SPAG16: variants seen among roughly 807,000 people sequenced by gnomAD.
SPAG16 encodes the protein sperm-associated antigen 16 protein.
SPAG16 carries 86 observed loss-of-function variants against 80.4 expected under a neutral mutation model. The ratio of observed to expected loss-of-function variants is 1.07; its 90% CI spans 0.90 to 1.28. SPAG16 has a LOEUF of 1.28. SPAG16 is among the 50% of genes most tolerant of loss of function. The pLI is 0.00. For missense variants in SPAG16, 870 were observed against 765.3 expected (o/e 1.14, Z -1.61); for synonymous variants, 294 against 265.9 (o/e 1.11, Z -1.03).
chr2:213,733,248 C>T, intron 10 of SPAG16, among the ~76,000 whole-genome samples: 1 of 149,236 alleles, frequency 6.7e-6, no homozygotes. Context: ...ATTTAAGTTC[C>T]TTATAGATGC....
At chr2:214,323,665 T>G (rs575305187) in intron 15 of SPAG16, among the ~76,000 whole-genome samples, 44 of 152,332 alleles carry the variant, frequency 2.9e-4, no homozygotes, top group South Asian at 8.3e-4. Flanking sequence ...CAATTAAAGT[T>G]CTTTTGCAAA....
intron 7 of SPAG16, among the ~76,000 whole-genome samples, chr2:213,361,324 C>T (rs2065964683): frequency 6.7e-6 from 1 of 150,370 alleles, no homozygotes; most frequent in Admixed American, 6.6e-5. Flanking sequence ...TATATTTTAT[C>T]TTTTTTAGAT....
intron 15 of SPAG16, among the ~76,000 whole-genome samples, chr2:214,288,552 A>T (rs1693551759): frequency 6.6e-6 from 1 of 152,098 alleles, no homozygotes; most frequent in African/African-American, 2.4e-5. Context: ...CCGACAGTGT[A>T]TGAGTTCCCT....
At chr2:214,016,311 T>A (rs2047589467) in intron 13 of SPAG16, among the ~76,000 whole-genome samples, 1 of 152,148 alleles carries the variant, frequency 6.6e-6, no homozygotes. Context: ...CATGGCAGCA[T>A]GCAAGAGAGC....
chr2:213,390,176 G>C (rs745707997), intron 9 of SPAG16, among the ~76,000 whole-genome samples: 2 of 152,042 alleles, frequency 1.3e-5, no homozygotes, highest in Middle Eastern at 3.2e-3. Flanking sequence ...GAGGTACTTT[G>C]AGTGGTGAAA....
At chr2:213,361,047 T>G (rs188187113) in intron 7 of SPAG16, among the ~76,000 whole-genome samples, 37 of 152,196 alleles carry the variant, frequency 2.4e-4, no homozygotes, top group African/African-American at 8.9e-4. Context: ...TAATTTAAAA[T>G]TTTTGATTAT....
At chr2:214,127,024 AG>A (rs1368698347) in intron 14 of SPAG16, among the ~76,000 whole-genome samples, 8 of 151,774 alleles carry the variant, frequency 5.3e-5, no homozygotes. Flanking sequence ...TTTTCCCACA[AG>A]GGAAAAGAAA....
chr2:214,132,890 C>T (rs2054850770), intron 14 of SPAG16, among the ~76,000 whole-genome samples: 1 of 151,944 alleles, frequency 6.6e-6, no homozygotes, highest in African/African-American at 2.4e-5. Flanking sequence ...GTCGCGAGTT[C>T]GAGACCAGCC....
chr2:214,062,823 T>C (rs945594949), intron 13 of SPAG16, among the ~76,000 whole-genome samples: 1 of 152,158 alleles, frequency 6.6e-6, no homozygotes, highest in African/African-American at 2.4e-5. Flanking sequence ...GCTAATGTCC[T>C]TCCAGTGACC....
intron 15 of SPAG16, among the ~76,000 whole-genome samples, chr2:214,231,114 G>A (rs947619923): frequency 2.2e-4 from 33 of 151,906 alleles, no homozygotes; most frequent in African/African-American, 6.8e-4. Flanking sequence ...TCCAGACATC[G>A]TTGGAATAAC....
intron 7 of SPAG16, among the ~76,000 whole-genome samples, chr2:213,351,808 T>C (rs534121137): frequency 6.6e-6 from 1 of 152,292 alleles, no homozygotes; most frequent in East Asian, 1.9e-4. Flanking sequence ...CCCCTTGTGC[T>C]TGAATTTAAT....
intron 15 of SPAG16, chr2:214,311,775 A>G (rs1422582377): frequency 6.6e-6 from 1 of 152,170 alleles, no homozygotes; most frequent in African/African-American, 2.4e-5. Context: ...TCTGGGGAAA[A>G]AAACTAATTT....
chr2:214,045,873 G>T (rs2049292916), intron 13 of SPAG16, among the ~76,000 whole-genome samples: 2 of 151,930 alleles, frequency 1.3e-5, no homozygotes, highest in Non-Finnish European at 2.9e-5. Context: ...AGAAATAAAT[G>T]AATTTGAAAT....
intron 10 of SPAG16, among the ~76,000 whole-genome samples, chr2:213,520,893 T>C (rs1353445974): frequency 6.6e-6 from 1 of 152,218 alleles, no homozygotes. Context: ...GCCCTTAGAC[T>C]TGGACAAATC....
intron 9 of SPAG16, among the ~76,000 whole-genome samples, chr2:213,451,810 C>T (rs1251778866): frequency 6.6e-6 from 1 of 152,002 alleles, no homozygotes; most frequent in Admixed American, 6.6e-5. Flanking sequence ...TTGTGCAGGC[C>T]GACTCTTAGT....
At chr2:214,021,692 T>C (rs527702554) in intron 13 of SPAG16, among the ~76,000 whole-genome samples, 1 of 152,228 alleles carries the variant, frequency 6.6e-6, no homozygotes, top group East Asian at 1.9e-4. Context: ...AATAATACAA[T>C]ACAAAATTTA....
intron 9 of SPAG16, among the ~76,000 whole-genome samples, chr2:213,463,807 G>A (rs569264403): frequency 6.6e-6 from 1 of 152,362 alleles, no homozygotes; most frequent in African/African-American, 2.4e-5. Flanking sequence ...GGCCCCACTG[G>A]TGTTGCAGTT....
chr2:214,243,640 T>C (rs1052420098), intron 15 of SPAG16, among the ~76,000 whole-genome samples: 1 of 152,174 alleles, frequency 6.6e-6, no homozygotes, highest in African/African-American at 2.4e-5. Flanking sequence ...ATATCACTTC[T>C]TGTTTGGGAA....
intron 10 of SPAG16, among the ~76,000 whole-genome samples, chr2:213,579,843 T>C (rs1415716794): frequency 1.3e-5 from 2 of 152,172 alleles, no homozygotes; most frequent in African/African-American, 2.4e-5. Flanking sequence ...CATGATCTAA[T>C]ATTAATCAAG....
Sources: allele counts gnomAD v4.1 joint callset (sites outside exome capture counted in the v4.1 genomes callset), GRCh38; gene constraint gnomAD v4.1.1; transcripts MANE v1.5; gene names NCBI Gene and HGNC (gene_info 2026-07-23, HGNC 2026-07-21).